CCBE1: variants seen among roughly 807,000 people sequenced by gnomAD.
The protein encoded by CCBE1 is collagen and calcium binding EGF domains 1.
In CCBE1, 37 loss-of-function variants were observed where a neutral mutation model predicts 50.0. The ratio of observed to expected loss-of-function variants is 0.74; its 90% CI spans 0.57 to 0.97. CCBE1 has a LOEUF of 0.97. Ranked by LOEUF, CCBE1 falls within the 50% of genes least tolerant of loss-of-function variation. CCBE1 has a pLI of 0.00. For synonymous variants in CCBE1, 234 were observed against 203.7 expected (o/e 1.15, Z -1.27); for missense variants, 538 against 523.8 (o/e 1.03, Z -0.26).
At chr18:59,576,964 A>C (rs1230035839) in intron 2 of CCBE1, among the ~76,000 whole-genome samples, 3 of 152,236 alleles carry the variant, frequency 2.0e-5, no homozygotes, top group African/African-American at 7.2e-5. Flanking sequence ...CTAGACACAG[A>C]TATGCCTATA....
At chr18:59,532,529 C>A (rs1297859861) in intron 2 of CCBE1, among the ~76,000 whole-genome samples, 1 of 152,184 alleles carries the variant, frequency 6.6e-6, no homozygotes, top group Non-Finnish European at 1.5e-5. Flanking sequence ...TGAAGACTAG[C>A]TTGGGCAGGA....
chr18:59,639,741 C>A (rs900328365), intron 2 of CCBE1, among the ~76,000 whole-genome samples: 2 of 152,088 alleles, frequency 1.3e-5, no homozygotes, highest in African/African-American at 4.8e-5. Context: ...ACCTAGAAAC[C>A]CCCATAGTCT....
intron 2 of CCBE1, among the ~76,000 whole-genome samples, chr18:59,509,740 C>T (rs1197522666): frequency 2.6e-5 from 4 of 152,162 alleles, no homozygotes; most frequent in South Asian, 2.1e-4. Flanking sequence ...ATTTCATGTG[C>T]GCCCTGCACT....
intron 2 of CCBE1, among the ~76,000 whole-genome samples, chr18:59,570,030 C>T (rs537676071): frequency 6.6e-6 from 1 of 152,232 alleles, no homozygotes; most frequent in Non-Finnish European, 1.5e-5. Flanking sequence ...GCATTTTCTA[C>T]TTTTGAAGAT....
chr18:59,582,929 C>T (rs1271329242), intron 2 of CCBE1, among the ~76,000 whole-genome samples: 2 of 152,166 alleles, frequency 1.3e-5, no homozygotes, highest in African/African-American at 2.4e-5. Flanking sequence ...CCTTCCACCT[C>T]TGCCTCCTAA....
chr18:59,480,323 T>C, intron 2 of CCBE1, 85 bp from the exon 3 acceptor site: 1 of 1,080,520 alleles, frequency 9.3e-7, no homozygotes, highest in Non-Finnish European at 1.4e-6. Flanking sequence ...ATGAAATAAC[T>C]TGTGCCCAGG....
chr18:59,695,893 A>G (rs938272819), intron 2 of CCBE1, among the ~76,000 whole-genome samples: 3 of 152,206 alleles, frequency 2.0e-5, no homozygotes, highest in African/African-American at 7.2e-5. Context: ...GCACTGGAAC[A>G]GAACCAAGAA....
intron 2 of CCBE1, among the ~76,000 whole-genome samples, chr18:59,602,521 T>C (rs1437050508): frequency 6.6e-6 from 1 of 152,138 alleles, no homozygotes; most frequent in South Asian, 2.1e-4. Context: ...TCTACAAAGA[T>C]CTAGGTTTTT....
In CCBE1 at chr18:59,478,882, A is replaced by C. The variant is rs138026113; in HGVS notation, c.265+1304T>G. Among the ~76,000 whole-genome samples, 68 of 152,332 alleles carry C rather than the reference A, an allele frequency of 4.5e-4. No homozygotes were observed. In the East Asian group the frequency reaches 0.011, roughly 24 times the overall value. Reference sequence around the variant, plus strand: ...AACCAACAGAATTGAGAAATTCAGCAGAGAGAAATTCAGCTTAGAGAAACC... The same window carrying C: ...AACCAACAGAATTGAGAAATTCAGCCGAGAGAAATTCAGCTTAGAGAAACC... On this transcript the variant is annotated intron_variant, in intron 3 of 10. Transcript: ENST00000439986.
At chr18:59,439,411 G>A in intron 9 of CCBE1, 132 bp downstream of exon 9, 14 of 1,117,416 alleles carry the variant, frequency 1.3e-5, no homozygotes, top group Non-Finnish European at 1.9e-5. Flanking sequence ...AGGCTGTAAT[G>A]AGCCAAGATT....
At chr18:59,537,886 T>C (rs1210567236) in intron 2 of CCBE1, among the ~76,000 whole-genome samples, 2 of 152,234 alleles carry the variant, frequency 1.3e-5, no homozygotes, top group African/African-American at 4.8e-5. Context: ...CATGTCACTT[T>C]CCTGTTTGTA....
At position 59,625,430 on chromosome 18, in the gene CCBE1, C is replaced by CAAAA. The variant is rs750324482; in HGVS notation, c.212+71195_212+71198dup. On this transcript the variant is annotated intron_variant, in intron 2 of 10. Transcript: ENST00000439986. ...TGGGCTACAGAGTGAGATTCTGTCT[C>CAAAA]AAAAAAAAAAAAAAAAAAAAAAAAT... is the stretch of plus-strand genomic sequence containing the variant. 1.5e-3 allele frequency among the ~76,000 whole-genome samples: 108 copies of CAAAA among 69,894 alleles called. 4 individuals carry two copies. Among genetic ancestry groups the CAAAA allele is most frequent in the African/African-American group, 6.1e-3 (100 of 16,474 alleles). The allele number at this position is 69,894 out of a possible 152,430, so 45.9% of individuals were successfully genotyped here. A position where few individuals can be genotyped will look rare whatever the true frequency, so the allele number is the denominator to read the frequency against.
chr18:59,451,984 G>T (rs1319076358), intron 6 of CCBE1, among the ~76,000 whole-genome samples: 1 of 151,842 alleles, frequency 6.6e-6, no homozygotes, highest in East Asian at 1.9e-4. Context: ...AAAAAATAAT[G>T]TATTACCCAC....
intron 2 of CCBE1, among the ~76,000 whole-genome samples, chr18:59,562,191 G>A (rs1251545217): frequency 2.1e-5 from 3 of 143,438 alleles, no homozygotes; most frequent in Non-Finnish European, 4.4e-5. Flanking sequence ...CTTTTAGTAT[G>A]GTCTTTCATG....
At chr18:59,602,576 T>C (rs1221693091) in intron 2 of CCBE1, among the ~76,000 whole-genome samples, 1 of 151,782 alleles carries the variant, frequency 6.6e-6, no homozygotes, top group Admixed American at 6.6e-5. Context: ...ACAAAAAGGG[T>C]ATATATATGT....
At chr18:59,443,279 G>A (rs1368241869) in intron 7 of CCBE1, among the ~76,000 whole-genome samples, 2 of 152,268 alleles carry the variant, frequency 1.3e-5, no homozygotes, top group East Asian at 1.9e-4. Flanking sequence ...CCACACCGGG[G>A]ACTCTAGCGG....
intron 7 of CCBE1, among the ~76,000 whole-genome samples, 153 bp from the exon 8 acceptor site, chr18:59,439,969 T>C (rs902769516): frequency 1.3e-5 from 2 of 152,256 alleles, no homozygotes; most frequent in Non-Finnish European, 2.9e-5. Flanking sequence ...ACAGGCATTT[T>C]AAACTTGATA....
At chr18:59,454,646 C>T (rs538269296) in intron 6 of CCBE1, among the ~76,000 whole-genome samples, 2 of 152,380 alleles carry the variant, frequency 1.3e-5, no homozygotes, top group African/African-American at 4.8e-5. Flanking sequence ...ATTGCCTCTG[C>T]AATCCCTTGC....
intron 2 of CCBE1, among the ~76,000 whole-genome samples, chr18:59,671,050 T>C (rs1040469674): frequency 6.6e-6 from 1 of 152,188 alleles, no homozygotes; most frequent in Non-Finnish European, 1.5e-5. Flanking sequence ...TGCCACAACT[T>C]GGCCTCAAGC....
Sources: allele counts gnomAD v4.1 joint callset (sites outside exome capture counted in the v4.1 genomes callset), GRCh38; gene constraint gnomAD v4.1.1; transcripts MANE v1.5; gene names NCBI Gene and HGNC (gene_info 2026-07-23, HGNC 2026-07-21).